EEF1D: variants seen among roughly 807,000 people sequenced by gnomAD.
EEF1D encodes the protein eukaryotic translation elongation factor 1 delta.
Under a neutral mutation model 63.9 loss-of-function variants are expected in EEF1D, and 47 were observed. That is an observed-to-expected ratio of 0.74 (90% CI 0.58 to 0.94). The LOEUF (loss-of-function observed/expected upper bound fraction) is 0.94, where lower values mean the gene tolerates loss of function less well. Among genes scored for constraint, EEF1D ranks in the 40% least tolerant of loss-of-function variants. The pLI is 0.00. For missense variants in EEF1D, 907 were observed against 899.0 expected, an observed-to-expected ratio of 1.01 and a Z score of -0.11; for synonymous variants, 412 against 386.1, an observed-to-expected ratio of 1.07 and a Z score of -0.79.
chr8:143,584,576 C>T (rs1826192735), intron 5 of EEF1D, among the ~76,000 whole-genome samples: 2 of 151,892 alleles, frequency 1.3e-5, no homozygotes, highest in South Asian at 4.2e-4. Context: ...ACAACTCACC[C>T]ACCCCCTCCA....
At chr8:143,581,709 G>A (rs1363862931) in intron 5 of EEF1D, 2 of 234,872 alleles carry the variant, frequency 8.5e-6, no homozygotes, top group Non-Finnish European at 1.7e-5. Flanking sequence ...AGGCAGCACT[G>A]GAAATGGGAG....
At chr8:143,583,674 C>T (rs1825981498) in intron 5 of EEF1D, 1 of 150,804 alleles carries the variant, frequency 6.6e-6, no homozygotes, top group Non-Finnish European at 1.5e-5. Flanking sequence ...AGCTTATGGC[C>T]CGGGAGCCAG....
chr8:143,581,522 C>G, intron 5 of EEF1D, 194 bp from the exon 6 acceptor site: 2 of 598,972 alleles, frequency 3.3e-6, no homozygotes, highest in Non-Finnish European at 5.9e-6. Context: ...AATTCTCAGC[C>G]AGGCAAAGTC....
intron 5 of EEF1D, among the ~76,000 whole-genome samples, chr8:143,585,108 C>G (rs528586028): frequency 6.6e-6 from 1 of 152,076 alleles, no homozygotes; most frequent in Non-Finnish European, 1.5e-5. Context: ...TGAGAATCTC[C>G]GGCGCCCACG....
In EEF1D at chr8:143,589,992, G is replaced by C. The variant is rs377595210; in HGVS notation, c.90C>G (p.His30Gln). Reference sequence around the variant, plus strand: ...CGGAGGCGGCCGCCTGTGTGGCCTCGTGTTCGTAGAAGCGCCGCTCGGCCT... The same window carrying C: ...CGGAGGCGGCCGCCTGTGTGGCCTCCTGTTCGTAGAAGCGCCGCTCGGCCT... Reference protein sequence around the residue: ...YEEAERRFYEHEATQAAASAQ... With the variant: ...YEEAERRFYEQEATQAAASAQ... The change falls in exon 3 of 10, where the codon CAC (histidine) becomes CAG (glutamine). Residue 30 changes from histidine (H) to glutamine (Q), a missense_variant. Coordinates refer to ENST00000618139, the MANE Select transcript of EEF1D (RefSeq NM_001130053.5). 1.3e-6 allele frequency: 2 copies of C among 1,599,496 alleles called. No homozygotes were observed. The highest frequency in any genetic ancestry group is 1.1e-5 in the South Asian group (1 of 91,066).
chr8:143,595,068 G>A (rs1454881701), intron 1 of EEF1D, among the ~76,000 whole-genome samples: 1 of 151,746 alleles, frequency 6.6e-6, no homozygotes, highest in African/African-American at 2.4e-5. Context: ...ACCACGGCCA[G>A]CTAATTTTTG....
In EEF1D at chr8:143,589,359, T is replaced by A. The variant is rs1031564357; in HGVS notation, c.723A>T (p.Ala241=). 6.4e-7 allele frequency: 1 copy of A among 1,568,378 alleles called. No individual in the cohort carries two copies. The highest frequency in any genetic ancestry group is 1.8e-5 in the Admixed American group (1 of 55,228). ...GGGCCTCGTAGAAGCCCCTCTCGGC[T>A]GCATCATACCGGGGCTTCTCCAGCC... is the stretch of plus-strand genomic sequence containing the variant. ...EVWLEKPRYD[A]AERGFYEALF... is the part of the protein sequence containing the mutation. Residue 241 remains alanine (A), a synonymous_variant, in exon 3 of 10, where the codon GCA becomes GCT. Coordinates refer to ENST00000618139, the MANE Select transcript of EEF1D (RefSeq NM_001130053.5).
At chr8:143,590,282 TGTG>T (rs1827726712) in intron 2 of EEF1D, 2 of 834,206 alleles carry the variant, frequency 2.4e-6, no homozygotes, top group South Asian at 1.7e-5. Flanking sequence ...GACGTTTTGT[TGTG>T]AAGAGAAAAC....
intron 8 of EEF1D, 139 bp downstream of exon 8, chr8:143,580,367 G>A: frequency 7.9e-7 from 1 of 1,261,928 alleles, no homozygotes; most frequent in Non-Finnish European, 1.1e-6. Flanking sequence ...CTCCAAGTTT[G>A]TGTTTATCCC....
At chr8:143,591,110 C>T (rs759859161) in intron 2 of EEF1D, among the ~76,000 whole-genome samples, 72 of 152,350 alleles carry the variant, frequency 4.7e-4, no homozygotes, top group Admixed American at 1.4e-3. Context: ...CAGCTGGAGT[C>T]CATACCTTTG....
At chr8:143,585,995 C>G in intron 5 of EEF1D, 1 of 467,938 alleles carries the variant, frequency 2.1e-6, no homozygotes, top group Non-Finnish European at 3.8e-6. Context: ...AGTGTGACCG[C>G]CAGCCGGCAG....
At chr8:143,594,238 C>T (rs546898014) in intron 1 of EEF1D, among the ~76,000 whole-genome samples, 59 of 152,284 alleles carry the variant, frequency 3.9e-4, no homozygotes, top group African/African-American at 1.4e-3. Flanking sequence ...CTGCCAAGCA[C>T]CTGAGCCTCT....
intron 2 of EEF1D, chr8:143,592,172 C>G: frequency 1.0e-6 from 1 of 985,494 alleles, no homozygotes; most frequent in Non-Finnish European, 1.2e-6. Flanking sequence ...GGCATTGTGA[C>G]ATCGTGCGGT....
rs551746330 is a variant in EEF1D at position 143,581,169 on chromosome 8, G to A, written c.1388-15C>T. On this transcript the variant is annotated splice_polypyrimidine_tract_variant and intron_variant, in intron 6 of 9. Transcript: ENST00000618139. ...CTCCTGTACCACTGGGGGGGCAAGG[G>A]GAGCACGGTTAGATGGCAGGGGCCA... 3.7e-6 allele frequency: 6 copies of A among 1,612,936 alleles called. No individual in the cohort carries two copies. The African/African-American group carries it at 8.0e-5, about 21-fold the overall frequency.
At chr8:143,592,711 T>A (rs1031301573) in intron 1 of EEF1D, 51 bp from the exon 2 acceptor site, 1 of 985,566 alleles carries the variant, frequency 1.0e-6, no homozygotes, top group African/African-American at 1.7e-5. Context: ...CCAGAAAGAC[T>A]AACCGGGTCA....
At position 143,580,158 on chromosome 8, in the gene EEF1D, T is replaced by C. The variant is rs1563946762; in HGVS notation, c.1759A>G (p.Ile587Val). ...CCCCAGACCAGCCCGTCCAGCTGGA[T>C]AGAGCGCACACAGGCCTCCAGCTGG... ...MAQLEACVRS[I>V]QLDGLVWGAS... is the part of the protein sequence containing the mutation. The change falls in exon 9 of 10, where the codon ATC becomes GTC. Residue 587 changes from isoleucine to valine, a missense_variant. Ile to Val is a conservative substitution (Grantham distance 29). Transcript: ENST00000618139. The C allele has an allele frequency of 3.7e-6, 6 of 1,613,786 alleles. No homozygotes were observed. The Admixed American group carries it at 6.7e-5, about 18-fold the overall frequency.
Position 143,589,062 on chromosome 8 carries a change from G to T in EEF1D, c.1020C>A (p.Cys340Ter). The T allele has an allele frequency of 6.2e-7, 1 of 1,607,980 alleles. No individual in the cohort carries two copies. ...HAAEALRVAW[C>*]LEAASLSHRP... ...GGTGAGACAGGGAGGCAGCTTCGAG[G>T]CACCAGGCCACCCGCAGGGCCTCGG... The change falls in exon 3 of 10, where the codon TGC becomes TGA. Residue 340 changes from cysteine to a stop codon, truncating the protein, a stop_gained. Coordinates refer to ENST00000618139, the MANE Select transcript of EEF1D (RefSeq NM_001130053.5). LOFTEE classifies it high-confidence loss of function.
intron 1 of EEF1D, chr8:143,597,042 C>A (rs1828959539): frequency 1.3e-5 from 2 of 152,248 alleles, no homozygotes; most frequent in South Asian, 4.1e-4. Flanking sequence ...GCAGCAAACA[C>A]AGGCCTTAGG....
intron 1 of EEF1D, among the ~76,000 whole-genome samples, chr8:143,593,610 G>A (rs139065777): frequency 2.6e-5 from 4 of 152,158 alleles, no homozygotes; most frequent in South Asian, 2.1e-4. Flanking sequence ...ACCCTGCAGG[G>A]GTCTGGTGGA....
Sources: gnomAD v4.1 joint callset for allele counts (sites outside exome capture counted in the v4.1 genomes callset) on GRCh38, gnomAD v4.1.1 for gene constraint, MANE v1.5 for transcripts, NCBI Gene and HGNC (gene_info 2026-07-23, HGNC 2026-07-21) for gene names.